MECOM: variants seen among roughly 807,000 people sequenced by gnomAD.
MECOM encodes MDS1 and EVI1 complex locus.
MECOM carries 13 observed loss-of-function variants against 116.3 expected under a neutral mutation model. The ratio of observed to expected loss-of-function variants is 0.11; its 90% confidence interval spans 0.07 to 0.18. MECOM has a LOEUF of 0.18. Ranked by LOEUF, MECOM falls within the 10% of genes least tolerant of loss-of-function variation. The probability of loss-of-function intolerance (pLI) is 1.00; values close to 1 mark genes in which losing one functional copy is unlikely to be tolerated. For missense variants in MECOM, 1,299 were observed against 1,509.0 expected (o/e 0.86, Z 2.31); for synonymous variants, 528 against 535.2 (o/e 0.99, Z 0.19).
intron 2 of MECOM, among the ~76,000 whole-genome samples, chr3:169,256,703 A>C (rs912404900): frequency 5.3e-5 from 8 of 152,192 alleles, no homozygotes; most frequent in African/African-American, 1.9e-4. Context: ...CAGTAGATAC[A>C]CTCAGTCATC....
intron 2 of MECOM, among the ~76,000 whole-genome samples, chr3:169,164,253 T>C (rs72497122): frequency 0.07 from 10,709 of 152,100 alleles, 486 homozygotes; most frequent in South Asian, 0.19. Context: ...TTTCACGAGA[T>C]CTGATAGTTT....
intron 2 of MECOM, among the ~76,000 whole-genome samples, chr3:169,235,833 C>T (rs1174328915): frequency 2.0e-5 from 3 of 151,172 alleles, no homozygotes; most frequent in Non-Finnish European, 2.9e-5. Flanking sequence ...ATTACTATCT[C>T]CCAAATCATA....
At chr3:169,491,563 T>C (rs1753096982) in intron 1 of MECOM, among the ~76,000 whole-genome samples, 1 of 152,168 alleles carries the variant, frequency 6.6e-6, no homozygotes, top group Non-Finnish European at 1.5e-5. Flanking sequence ...TCTTCATGAA[T>C]AACTACATTT....
chr3:169,507,962 A>G (rs921906021), intron 1 of MECOM, among the ~76,000 whole-genome samples: 1 of 151,942 alleles, frequency 6.6e-6, no homozygotes, highest in African/African-American at 2.4e-5. Flanking sequence ...GCCCGGCCCC[A>G]ACTTGCCATT....
chr3:169,491,060 G>A (rs906946650), intron 1 of MECOM, among the ~76,000 whole-genome samples: 9 of 151,840 alleles, frequency 5.9e-5, no homozygotes, highest in South Asian at 4.2e-4. Context: ...GTCTCCTTAC[G>A]TTGCCCAAAC....
intron 2 of MECOM, among the ~76,000 whole-genome samples, chr3:169,191,740 G>GGAAGAAAGAA (rs1747659101): frequency 1.6e-5 from 1 of 64,274 alleles, no homozygotes; most frequent in Non-Finnish European, 3.3e-5. Flanking sequence ...AAGAAAGAAA[G>GGAAGAAAGAA]AGAAAGAAAG....
intron 16 of MECOM, among the ~76,000 whole-genome samples, chr3:169,087,393 T>C (rs1718141583): frequency 6.6e-6 from 1 of 152,100 alleles, no homozygotes; most frequent in South Asian, 2.1e-4. Context: ...GCTCAGGAAT[T>C]TGAGACCAGC....
intron 1 of MECOM, among the ~76,000 whole-genome samples, chr3:169,485,953 G>GTATA (rs1560340522): frequency 9.6e-6 from 1 of 103,984 alleles, no homozygotes; most frequent in Non-Finnish European, 1.8e-5. Context: ...ATGTATATAT[G>GTATA]TACATATATA....
intron 12 of MECOM, among the ~76,000 whole-genome samples, chr3:169,097,855 T>G (rs1444860843): frequency 1.9e-5 from 2 of 104,092 alleles, no homozygotes; most frequent in Non-Finnish European, 4.0e-5. Flanking sequence ...GATTCCACTG[T>G]CAAGGAGCTT....
At chr3:169,393,603 A>G (rs1277584564) in intron 1 of MECOM, among the ~76,000 whole-genome samples, 1 of 152,188 alleles carries the variant, frequency 6.6e-6, no homozygotes, top group Non-Finnish European at 1.5e-5. Flanking sequence ...GTCCACTTAT[A>G]TCAACATGAT....
chr3:169,497,748 C>T (rs1754010949), intron 1 of MECOM, among the ~76,000 whole-genome samples: 1 of 152,230 alleles, frequency 6.6e-6, no homozygotes, highest in South Asian at 2.1e-4. Flanking sequence ...ACATTTCAGA[C>T]ATTCCAATGG....
intron 2 of MECOM, among the ~76,000 whole-genome samples, chr3:169,369,342 C>CTTTTTTTTTTTTT: frequency 2.3e-5 from 2 of 86,962 alleles, no homozygotes; most frequent in Non-Finnish European, 4.1e-5. Flanking sequence ...TGATTGCAGC[C>CTTTTTTTTTTTTT]TTTTTTTTTT....
At chr3:169,414,802 A>G (rs541050873) in intron 1 of MECOM, among the ~76,000 whole-genome samples, 1 of 152,176 alleles carries the variant, frequency 6.6e-6, no homozygotes, top group Non-Finnish European at 1.5e-5. Flanking sequence ...AGATCAACTT[A>G]GTGAAATAAA....
At chr3:169,233,101 C>T (rs929565974) in intron 2 of MECOM, among the ~76,000 whole-genome samples, 17 of 152,046 alleles carry the variant, frequency 1.1e-4, no homozygotes, top group Non-Finnish European at 2.1e-4. Flanking sequence ...TTCCTGTTTT[C>T]AAATCCAAAA....
intron 2 of MECOM, among the ~76,000 whole-genome samples, chr3:169,368,958 A>T (rs754178184): frequency 6.6e-6 from 1 of 152,022 alleles, no homozygotes; most frequent in South Asian, 2.1e-4. Context: ...ATCACCCAAC[A>T]TTCCTTTGAA....
chr3:169,478,346 C>T (rs562516051), intron 1 of MECOM, among the ~76,000 whole-genome samples: 6 of 152,216 alleles, frequency 3.9e-5, no homozygotes, highest in Admixed American at 3.3e-4. Flanking sequence ...TGTGTACTCA[C>T]TCTGCTGCTC....
intron 1 of MECOM, among the ~76,000 whole-genome samples, chr3:169,434,320 C>T (rs1742261609): frequency 1.3e-5 from 2 of 152,140 alleles, no homozygotes; most frequent in South Asian, 2.1e-4. Context: ...AACAAATTAG[C>T]TACTCTCCTT....
At chr3:169,339,423 A>G (rs1724110051) in intron 2 of MECOM, among the ~76,000 whole-genome samples, 1 of 152,232 alleles carries the variant, frequency 6.6e-6, no homozygotes, top group Admixed American at 6.5e-5. Context: ...GCTCTACACC[A>G]ATGAGAAAAA....
intron 1 of MECOM, among the ~76,000 whole-genome samples, chr3:169,443,888 C>G (rs1425782058): frequency 6.6e-6 from 1 of 152,162 alleles, no homozygotes; most frequent in Admixed American, 6.5e-5. Context: ...CAGCACTAGA[C>G]AGTTAGCTCT....
Sources: allele counts gnomAD v4.1 joint callset (sites outside exome capture counted in the v4.1 genomes callset), GRCh38; gene constraint gnomAD v4.1.1; transcripts MANE v1.5; gene names NCBI Gene and HGNC (gene_info 2026-07-23, HGNC 2026-07-21).